Variants in HIVEP2 observed in about 807,000 individuals in gnomAD.
HIVEP2 encodes the protein HIVEP zinc finger 2.
A neutral mutation model predicts 180.7 loss-of-function variants in HIVEP2; 14 were observed. The observed-to-expected ratio is 0.08, with a 90% CI of 0.05 to 0.12. The LOEUF (loss-of-function observed/expected upper bound fraction) is 0.12, where lower values mean the gene tolerates loss of function less well. HIVEP2 is among the 10% of genes least tolerant of loss of function. The pLI is 1.00. For synonymous variants in HIVEP2, 1,184 were observed against 1,136.4 expected (o/e 1.04, Z -0.84); for missense variants, 2,579 against 3,008.5 (o/e 0.86, Z 3.34).
intron 1 of HIVEP2, among the ~76,000 whole-genome samples, chr6:142,938,065 CTG>C (rs1778096229): frequency 1.6e-4 from 25 of 152,240 alleles, no homozygotes; most frequent in Admixed American, 1.3e-3. Context: ...AATTTATAAA[CTG>C]ATAGAATATG....
At chr6:142,812,535 T>C (rs1393224501) in intron 2 of HIVEP2, among the ~76,000 whole-genome samples, 1 of 152,128 alleles carries the variant, frequency 6.6e-6, no homozygotes, top group Non-Finnish European at 1.5e-5. Context: ...CCGTAAAATT[T>C]TTAGGAATTC....
intron 1 of HIVEP2, among the ~76,000 whole-genome samples, chr6:142,839,244 C>T (rs866851716): frequency 6.6e-6 from 1 of 151,994 alleles, no homozygotes; most frequent in East Asian, 1.9e-4. Context: ...AATAAACACA[C>T]GATGGTAAAT....
chr6:142,773,352 T>C lies in HIVEP2; in HGVS notation c.1387A>G (p.Asn463Asp), dbSNP rs1444434832. 7 of 1,614,222 alleles carry C rather than the reference T, an allele frequency of 4.3e-6. No homozygotes were observed. Among genetic ancestry groups the C allele is most frequent in the Non-Finnish European group, 5.9e-6 (7 of 1,180,038 alleles). ...KGIMEPLPHV[N>D]TRLDVKMFED... ...AACATCTTGACATCTAACCTGGTGTTAACGTGAGGTAATGGTTCCATTATG... is the reference window on the plus strand; with the variant it reads ...AACATCTTGACATCTAACCTGGTGTCAACGTGAGGTAATGGTTCCATTATG... The change falls in exon 5 of 10, where the codon AAC (asparagine) becomes GAC (aspartate). Residue 463 changes from asparagine (N) to aspartate (D), a missense_variant. Asn to Asp is a conservative substitution (Grantham distance 23). Coordinates refer to ENST00000367603, the MANE Select transcript of HIVEP2 (RefSeq NM_006734.4).
intron 8 of HIVEP2, 91 bp downstream of exon 8, chr6:142,761,373 T>C (rs1775231660): frequency 3.0e-6 from 2 of 664,080 alleles, no homozygotes; most frequent in Non-Finnish European, 5.4e-6. Flanking sequence ...GATCACTTTT[T>C]AAAAATATCT....
intron 9 of HIVEP2, among the ~76,000 whole-genome samples, chr6:142,756,054 A>G (rs896145750): frequency 4.6e-5 from 7 of 152,238 alleles, no homozygotes; most frequent in Non-Finnish European, 5.9e-5. Flanking sequence ...TCGTGGAAAA[A>G]CAAATAGTGA....
intron 1 of HIVEP2, among the ~76,000 whole-genome samples, chr6:142,863,460 T>C (rs1776058571): frequency 6.6e-6 from 1 of 152,116 alleles, no homozygotes; most frequent in Admixed American, 6.5e-5. Context: ...ACAATTACTA[T>C]ACAAAAAATA....
chr6:142,762,151 A>G (rs1775259949), intron 7 of HIVEP2, among the ~76,000 whole-genome samples: 1 of 152,166 alleles, frequency 6.6e-6, no homozygotes, highest in Admixed American at 6.5e-5. Flanking sequence ...CATAGGGAGC[A>G]TTATTCCCAG....
intron 1 of HIVEP2, among the ~76,000 whole-genome samples, chr6:142,875,063 AT>A (rs978821676): frequency 2.6e-5 from 4 of 152,180 alleles, no homozygotes; most frequent in African/African-American, 9.7e-5. Context: ...ATCATTTCAG[AT>A]TCTGATCATT....
chr6:142,926,399 G>C (rs1431309688), intron 1 of HIVEP2, among the ~76,000 whole-genome samples: 1 of 152,206 alleles, frequency 6.6e-6, no homozygotes, highest in African/African-American at 2.4e-5. Context: ...TGTATTAACG[G>C]CATGATGTTT....
chr6:142,796,993 T>C (rs1422956935), intron 2 of HIVEP2, among the ~76,000 whole-genome samples: 1 of 152,174 alleles, frequency 6.6e-6, no homozygotes, highest in Non-Finnish European at 1.5e-5. Context: ...TGTTTACATG[T>C]CTCTCATCAT....
intron 2 of HIVEP2, among the ~76,000 whole-genome samples, chr6:142,820,030 T>C (rs2114827004): frequency 6.6e-6 from 1 of 152,292 alleles, no homozygotes; most frequent in Non-Finnish European, 1.5e-5. Flanking sequence ...TGCTCCTCCA[T>C]ACCTGGGCTC....
intron 1 of HIVEP2, among the ~76,000 whole-genome samples, chr6:142,840,162 C>T (rs1775326981): frequency 6.6e-6 from 1 of 152,054 alleles, no homozygotes; most frequent in African/African-American, 2.4e-5. Flanking sequence ...GAGAAGTGGC[C>T]AATTAAAATA....
chr6:142,784,289 C>T (rs962210508), intron 2 of HIVEP2, among the ~76,000 whole-genome samples: 4 of 152,030 alleles, frequency 2.6e-5, no homozygotes, highest in South Asian at 2.1e-4. Flanking sequence ...TACCCATAAT[C>T]GTATATTTGT....
rs763290306 is a variant in HIVEP2 at position 142,770,096 on chromosome 6, C to T, written c.4643G>A (p.Arg1548Gln). 3.1e-6 allele frequency: 5 copies of T among 1,614,078 alleles called. No homozygotes were observed. The highest frequency in any genetic ancestry group is 1.7e-5 in the Admixed American group (1 of 60,008). ...LPSKEMLSGS[R>Q]APLPGQKSSG... The stretch of plus-strand genomic sequence containing the variant: ...GGACTTCTGCCCCGGAAGTGGTGCC[C>T]GGGAACCGGAAAGCATCTCCTTGCT... The change falls in exon 5 of 10, where the codon CGG (arginine) becomes CAG (glutamine). Residue 1548 changes from arginine to glutamine, a missense_variant. Around this residue, in one of 11 missense-constraint regions of HIVEP2, gnomAD observed 349 missense variants for 367.2 expected, o/e 0.95. Coordinates refer to ENST00000367603, the MANE Select transcript of HIVEP2 (RefSeq NM_006734.4). This position sits in a 1 kb window ranked among gnomAD's most constrained non-coding sequence, Gnocchi z 4.7.
chr6:142,845,720 ATGTCCCCAGAGGAAGC>A (rs1235858320), intron 1 of HIVEP2, among the ~76,000 whole-genome samples: 1 of 152,216 alleles, frequency 6.6e-6, no homozygotes, highest in Non-Finnish European at 1.5e-5. Context: ...GGTCGATGCA[ATGTCCCCAGAGGAAGC>A]TGTTCAACTC....
chr6:142,897,472 T>C (rs976910984), intron 1 of HIVEP2, among the ~76,000 whole-genome samples: 3 of 152,170 alleles, frequency 2.0e-5, no homozygotes, highest in African/African-American at 7.2e-5. Flanking sequence ...TCATCAATGG[T>C]AGAACGAAGA....
intron 2 of HIVEP2, among the ~76,000 whole-genome samples, chr6:142,819,141 G>C (rs1192705475): frequency 6.6e-6 from 1 of 152,144 alleles, no homozygotes; most frequent in Non-Finnish European, 1.5e-5. Flanking sequence ...GGCTGAGGCA[G>C]GAGGGTTGCT....
intron 2 of HIVEP2, among the ~76,000 whole-genome samples, chr6:142,814,772 T>C (rs1188262827): frequency 1.3e-5 from 2 of 152,066 alleles, no homozygotes; most frequent in African/African-American, 4.8e-5. Flanking sequence ...TGTATAGAAG[T>C]AGGAAACTAG....
Position 142,945,176 on chromosome 6 carries a change from T to A in HIVEP2, c.-718A>T, listed in dbSNP as rs1000715207. 2 of 150,840 alleles carry A rather than the reference T, an allele frequency of 1.3e-5. No homozygotes were observed. Among genetic ancestry groups the A allele is most frequent in the Admixed American group, 1.3e-4 (2 of 15,200 alleles). The allele number at this position is 150,840 out of a possible 1,614,324, so 9.3% of individuals were successfully genotyped here. The stretch of plus-strand genomic sequence containing the variant: ...CGCGCCGGTGCACGTCGCTCATTAG[T>A]AAGCAGGCACATTCCTGCCTCCAGC... On this transcript the variant is annotated 5_prime_UTR_variant, in exon 1 of 10. Transcript: ENST00000367603. This position sits in a 1 kb window ranked among gnomAD's most constrained non-coding sequence, Gnocchi z 5.5.
Sources: gnomAD v4.1 joint callset for allele counts (sites outside exome capture counted in the v4.1 genomes callset) on GRCh38, gnomAD v4.1.1 for gene constraint, gnomAD v4.1.1 regional missense constraint, Gnocchi (gnomAD v3.1) non-coding constraint, MANE v1.5 for transcripts, NCBI Gene and HGNC (gene_info 2026-07-23, HGNC 2026-07-21) for gene names.